Variants in EEF1D observed in about 807,000 individuals in gnomAD.
The protein encoded by EEF1D is eukaryotic translation elongation factor 1 delta, also known as elongation factor 1-delta.
A neutral mutation model predicts 63.9 loss-of-function variants in EEF1D; 47 were observed. The observed-to-expected ratio is 0.74, with a 90% CI of 0.58 to 0.94. The LOEUF is 0.94. Among genes scored for constraint, EEF1D ranks in the 40% least tolerant of loss-of-function variants. EEF1D has a pLI of 0.00. For missense variants in EEF1D, 907 were observed against 899.0 expected, an observed-to-expected ratio of 1.01 and a Z score of -0.11; for synonymous variants, 412 against 386.1, an observed-to-expected ratio of 1.07 and a Z score of -0.79.
At chr8:143,591,394 G>A (rs1250876710) in intron 2 of EEF1D, among the ~76,000 whole-genome samples, 2 of 152,220 alleles carry the variant, frequency 1.3e-5, no homozygotes. Flanking sequence ...TCTGCTCCCA[G>A]GTGTCCAGTG....
rs528490684 is a variant in EEF1D, at chr8:143,579,766, C to T, written c.*26G>A. On this transcript the variant is annotated 3_prime_UTR_variant, in exon 10 of 10. Transcript: ENST00000618139. ...TTTAATCGTGGCAGGGCCTCACGCA[C>T]GCGCGCACGTACACACACTCAGGCT... 17 of 1,530,826 alleles carry T rather than the reference C, an allele frequency of 1.1e-5. No individual in the cohort carries two copies. The South Asian group carries it at 1.2e-4, about 10-fold the overall frequency. 94.8% of individuals were successfully genotyped at this position (1,530,826 alleles called of 1,614,324 possible).
intron 5 of EEF1D, chr8:143,583,792 T>C (rs969836700): frequency 1.3e-5 from 2 of 152,300 alleles, no homozygotes; most frequent in African/African-American, 2.4e-5. Flanking sequence ...AAAGGGATTC[T>C]GTAGATGTGA....
At position 143,589,880 on chromosome 8, in the gene EEF1D, CGTCAGGG is replaced by C. The variant is rs750543113; in HGVS notation, c.195_201del (p.Pro66AlafsTer92). On this transcript the variant is annotated frameshift_variant, in exon 3 of 10. Transcript: ENST00000618139. LOFTEE classifies it high-confidence loss of function. ...TTCCTGGGATCACGCCTGCTGCCGC[CGTCAGGG>C]GCTTCCGCCTCATCAGCGTCCTCAG... The C allele has an allele frequency of 6.3e-7, 1 of 1,599,584 alleles. No individual in the cohort carries two copies. The highest frequency in any genetic ancestry group is 1.7e-5 in the Admixed American group (1 of 59,486).
intron 2 of EEF1D, among the ~76,000 whole-genome samples, chr8:143,591,937 C>T (rs1186264594): frequency 6.6e-6 from 1 of 152,262 alleles, no homozygotes; most frequent in Non-Finnish European, 1.5e-5. Flanking sequence ...ACATGGAGTT[C>T]TTTGCGGGCA....
Position 143,589,263 on chromosome 8 carries a change from C to T in EEF1D, c.819G>A (p.Arg273=), listed in dbSNP as rs750047054. 78 of 1,587,104 alleles carry T rather than the reference C, an allele frequency of 4.9e-5. No individual in the cohort carries two copies. Among genetic ancestry groups the T allele is most frequent in the Non-Finnish European group, 6.5e-5 (76 of 1,165,880 alleles). The change falls in exon 3 of 10, where the codon CGG becomes CGA. Residue 273 remains arginine, a synonymous_variant. Transcript: ENST00000618139. ...TGCGGCCCCGCCGGTCTCTGCGGCCCCGCCGGGCACCCTCGGCCAGGCCGG... is the reference window on the plus strand; with the variant it reads ...TGCGGCCCCGCCGGTCTCTGCGGCCTCGCCGGGCACCCTCGGCCAGGCCGG... The part of the protein sequence containing the change: ...ERAGLAEGAR[R]GRRDRRGRNI...
Position 143,579,762 on chromosome 8 carries a change from C to T in EEF1D, c.*30G>A, listed in dbSNP as rs776101607. The T allele has an allele frequency of 2.0e-5, 30 of 1,523,002 alleles. No homozygotes were observed. The highest frequency in any genetic ancestry group is 6.5e-5 in the South Asian group (5 of 76,730). The allele number at this position is 1,523,002 out of a possible 1,614,324, so 94.3% of individuals were successfully genotyped here. ...AGTCTTTAATCGTGGCAGGGCCTCA[C>T]GCACGCGCGCACGTACACACACTCA... is the stretch of plus-strand genomic sequence containing the variant. On this transcript the variant is annotated 3_prime_UTR_variant, in exon 10 of 10. Coordinates refer to ENST00000618139, the MANE Select transcript of EEF1D (RefSeq NM_001130053.5).
chr8:143,596,986 G>A (rs1366158977), intron 1 of EEF1D: 1 of 152,280 alleles, frequency 6.6e-6, no homozygotes, highest in East Asian at 1.9e-4. Context: ...AAGGTCTGCA[G>A]GCCAGAGAAA....
chr8:143,590,501 G>A, intron 2 of EEF1D: 1 of 1,172,922 alleles, frequency 8.5e-7, no homozygotes, highest in South Asian at 2.4e-5. Context: ...CACAGGCCAG[G>A]CCTGGCCACC....
chr8:143,595,307 G>C (rs1828620803), intron 1 of EEF1D, among the ~76,000 whole-genome samples: 1 of 152,116 alleles, frequency 6.6e-6, no homozygotes, highest in Non-Finnish European at 1.5e-5. Context: ...CTGACCTCAG[G>C]TGATCTGCCT....
chr8:143,585,718 G>A (rs1054687979), intron 5 of EEF1D, among the ~76,000 whole-genome samples: 4 of 152,234 alleles, frequency 2.6e-5, no homozygotes, highest in African/African-American at 9.6e-5. Flanking sequence ...CCCGGGGCCT[G>A]GAGGCCAAGC....
intron 5 of EEF1D, chr8:143,583,303 T>C (rs1825913570): frequency 1.3e-5 from 2 of 152,236 alleles, no homozygotes; most frequent in Non-Finnish European, 2.9e-5. Flanking sequence ...GTGGTTTAAG[T>C]CACCCAGTCT....
Position 143,586,806 on chromosome 8 carries a change from C to T in EEF1D, c.1138G>A (p.Asp380Asn), listed in dbSNP as rs923259301. 9.3e-6 allele frequency: 15 copies of T among 1,614,066 alleles called. No homozygotes were observed. The highest frequency in any genetic ancestry group is 4.5e-5 in the East Asian group (2 of 44,906). Reference sequence around the variant, plus strand: ...TCTGCGTCGTCATATTTGAACTTGTCGAACCAGATCTTCTCATGTGCTAGG... The same window carrying T: ...TCTGCGTCGTCATATTTGAACTTGTTGAACCAGATCTTCTCATGTGCTAGG... ...NFLAHEKIWF[D>N]KFKYDDAERR... is the part of the protein sequence containing the mutation. Residue 380 changes from aspartate (D) to asparagine (N), a missense_variant, in exon 4 of 10, where the codon GAC becomes AAC. Coordinates refer to ENST00000618139, the MANE Select transcript of EEF1D (RefSeq NM_001130053.5).
chr8:143,586,229 G>T lies in EEF1D; in HGVS notation c.1277C>A (p.Ser426Tyr). 1 of 1,609,744 alleles carries T rather than the reference G, an allele frequency of 6.2e-7. No individual in the cohort carries two copies. The highest frequency in any genetic ancestry group is 8.5e-7 in the Non-Finnish European group (1 of 1,178,882). ...GCCGCGGGTACTCACTCCAGCCAGG[G>T]ATTTCTGGATGTTCTCTCTGGCTCT... ...IARARENIQK[S>Y]LAGSSGPGAS... The change falls in exon 5 of 10, where the codon TCC becomes TAC. Residue 426 changes from serine to tyrosine, a missense_variant. Coordinates refer to ENST00000618139, the MANE Select transcript of EEF1D (RefSeq NM_001130053.5).
chr8:143,592,294 C>T (rs1828105801), intron 2 of EEF1D: 1 of 984,804 alleles, frequency 1.0e-6, no homozygotes, highest in South Asian at 4.7e-5. Context: ...GCCAAAGTGG[C>T]CTCAGACTAT....
Position 143,586,719 on chromosome 8 carries a change from C to T in EEF1D, c.1215+10G>A, listed in dbSNP as rs1304172137. On this transcript the variant is annotated intron_variant, in intron 4 of 9. Transcript: ENST00000618139. ...CAGAGCCGCCCAGCCGCCCCACGTG[C>T]AGCTCTCACCTGGCGGGAGGCACCT... 1.9e-6 allele frequency: 3 copies of T among 1,612,126 alleles called. No homozygotes were observed. Among genetic ancestry groups the T allele is most frequent in the Non-Finnish European group, 2.5e-6 (3 of 1,179,688 alleles).
At chr8:143,595,128 G>A (rs1245130109) in intron 1 of EEF1D, among the ~76,000 whole-genome samples, 1 of 152,106 alleles carries the variant, frequency 6.6e-6, no homozygotes, top group Non-Finnish European at 1.5e-5. Flanking sequence ...GGAGTGCAGT[G>A]GTACGATCTC....
chr8:143,594,082 C>CA (rs1422432636), intron 1 of EEF1D: 1 of 201,682 alleles, frequency 5.0e-6, no homozygotes, highest in Admixed American at 6.5e-5. Flanking sequence ...CTAAAGAGAA[C>CA]ACAGGGAGAC....
At chr8:143,586,421 G>A (rs749855959) in intron 4 of EEF1D, 131 bp from the exon 5 acceptor site, 22 of 876,158 alleles carry the variant, frequency 2.5e-5, no homozygotes, top group Admixed American at 3.0e-5. Context: ...ACGAGAGCTT[G>A]GCGGGCCAGA....
chr8:143,590,253 G>A (rs768646728), intron 2 of EEF1D, 172 bp from the exon 3 acceptor site: 8 of 1,014,206 alleles, frequency 7.9e-6, no homozygotes, highest in East Asian at 2.6e-5. Flanking sequence ...CGAGGACTTC[G>A]AAGTCAAGCC....
Sources: allele counts gnomAD v4.1 joint callset (sites outside exome capture counted in the v4.1 genomes callset), GRCh38; gene constraint gnomAD v4.1.1; transcripts MANE v1.5; gene names NCBI Gene and HGNC (gene_info 2026-07-23, HGNC 2026-07-21).